TUBGCP3: variants seen among roughly 807,000 people sequenced by gnomAD.
The protein encoded by TUBGCP3 is gamma-tubulin complex component 3.
A neutral mutation model predicts 123.1 loss-of-function variants in TUBGCP3; 50 were observed. The ratio of observed to expected loss-of-function variants is 0.41; its 90% CI spans 0.32 to 0.51. The LOEUF (loss-of-function observed/expected upper bound fraction) is 0.51, where lower values mean the gene tolerates loss of function less well. Among genes scored for constraint, TUBGCP3 ranks in the 20% least tolerant of loss-of-function variants. The probability of loss-of-function intolerance (pLI) is 0.36; values close to 1 mark genes in which losing one functional copy is unlikely to be tolerated. For synonymous variants in TUBGCP3, 405 were observed against 413.9 expected, an observed-to-expected ratio of 0.98 and a Z score of 0.26; for missense variants, 882 against 1,127.0, an observed-to-expected ratio of 0.78 and a Z score of 3.11.
chr13:112,516,348 T>A (rs1876123152), intron 17 of TUBGCP3, 92 bp downstream of exon 17: 1 of 1,363,056 alleles, frequency 7.3e-7, no homozygotes, highest in East Asian at 2.7e-5. Flanking sequence ...TGAGTCTACC[T>A]TAACTTCTGC....
Position 112,558,359 on chromosome 13 carries a change from T to C in TUBGCP3, c.385A>G (p.Thr129Ala). 1.2e-6 allele frequency: 2 copies of C among 1,606,730 alleles called. 1 individual carries two copies. The highest frequency in any genetic ancestry group is 2.2e-5 in the South Asian group (2 of 90,918). The change falls in exon 5 of 22, where the codon ACC (threonine) becomes GCC (alanine). Residue 129 changes from threonine to alanine, a missense_variant. Thr to Ala is a moderately conservative substitution (Grantham distance 58). This residue lies in a region of TUBGCP3 where 713 missense variants were observed against 874.0 expected (regional missense o/e 0.82). Coordinates refer to ENST00000261965, the MANE Select transcript of TUBGCP3 (RefSeq NM_006322.6). ...TGAGGCCTGGCATAGTAGTAAGGGGTTGAGTGGGCATCTCTTGGTAAGGCC... is the reference window on the plus strand; with the variant it reads ...TGAGGCCTGGCATAGTAGTAAGGGGCTGAGTGGGCATCTCTTGGTAAGGCC... The part of the protein sequence containing the change: ...AQALPRDAHS[T>A]PYYYARPQTL...
At chr13:112,541,307 C>T (rs966124775) in intron 11 of TUBGCP3, among the ~76,000 whole-genome samples, 6 of 152,034 alleles carry the variant, frequency 3.9e-5, no homozygotes, top group African/African-American at 9.7e-5. Flanking sequence ...TTTGGGAGGC[C>T]GAGGCGGGTG....
intron 11 of TUBGCP3, among the ~76,000 whole-genome samples, chr13:112,536,391 C>T (rs1173278122): frequency 6.6e-6 from 1 of 152,176 alleles, no homozygotes; most frequent in East Asian, 1.9e-4. Flanking sequence ...GGAAGCACTG[C>T]CATCTTAGCA....
chr13:112,540,640 C>T (rs1054356998), intron 11 of TUBGCP3, among the ~76,000 whole-genome samples: 1 of 121,386 alleles, frequency 8.2e-6, no homozygotes, highest in Non-Finnish European at 1.6e-5. Context: ...GGAATGAGGA[C>T]GTCAATGTAG....
At chr13:112,510,033 C>T (rs1214769030) in intron 17 of TUBGCP3, among the ~76,000 whole-genome samples, 1 of 152,170 alleles carries the variant, frequency 6.6e-6, no homozygotes, top group East Asian at 1.9e-4. Context: ...AAAAGCAAAG[C>T]AACATTGGCA....
chr13:112,505,675 A>G (rs1397441446), intron 17 of TUBGCP3, among the ~76,000 whole-genome samples: 1 of 152,262 alleles, frequency 6.6e-6, no homozygotes, highest in Non-Finnish European at 1.5e-5. Context: ...TCAGTAAAGA[A>G]AAGTGGGAGA....
intron 10 of TUBGCP3, 114 bp downstream of exon 10, chr13:112,547,502 ACGCG>A: frequency 3.8e-6 from 5 of 1,332,296 alleles, no homozygotes; most frequent in South Asian, 4.6e-5. Flanking sequence ...CGAGTGCCAG[ACGCG>A]CGTGGGAAAG....
At chr13:112,531,074 T>G (rs557262678) in intron 11 of TUBGCP3, among the ~76,000 whole-genome samples, 1 of 152,358 alleles carries the variant, frequency 6.6e-6, no homozygotes, top group South Asian at 2.1e-4. Flanking sequence ...ATTTTTTTCT[T>G]TCACAGAAAT....
chr13:112,544,312 C>A (rs1044640754), intron 11 of TUBGCP3, among the ~76,000 whole-genome samples: 1 of 151,946 alleles, frequency 6.6e-6, no homozygotes, highest in African/African-American at 2.4e-5. Context: ...ATTAGCCAGG[C>A]ATGGTGGCGG....
the TUBGCP3 span, among the ~76,000 whole-genome samples, chr13:112,600,561 A>G: frequency 3.3e-3 from 496 of 152,330 alleles, 3 homozygotes; most frequent in African/African-American, 0.011. Flanking sequence ...ATTACTTTAG[A>G]AGTCAAGAAG....
intron 21 of TUBGCP3, among the ~76,000 whole-genome samples, chr13:112,488,657 C>A (rs1235831474): frequency 1.3e-5 from 2 of 149,796 alleles, no homozygotes; most frequent in East Asian, 3.9e-4. Context: ...CCCAGGTCCC[C>A]ACATCCCACC....
intron 14 of TUBGCP3, among the ~76,000 whole-genome samples, chr13:112,520,951 TACG>T (rs1379794806): frequency 2.2e-4 from 33 of 152,178 alleles, no homozygotes; most frequent in African/African-American, 7.7e-4. Flanking sequence ...GAACTTAAAA[TACG>T]ACATTGAGGA....
chr13:112,605,224 A>C, the TUBGCP3 span: 16 of 152,052 alleles, frequency 1.1e-4, no homozygotes, highest in Admixed American at 1.0e-3. Flanking sequence ...CAGGAGAATC[A>C]CTTGAACCCG....
chr13:112,587,696 C>T (rs1401482443), intron 1 of TUBGCP3, among the ~76,000 whole-genome samples: 1 of 152,172 alleles, frequency 6.6e-6, no homozygotes, highest in Non-Finnish European at 1.5e-5. Flanking sequence ...GTCCTGGCCC[C>T]CAGCCCTCCG....
chr13:112,556,267 T>C, intron 5 of TUBGCP3, 43 bp from the exon 6 acceptor site: 3 of 1,572,980 alleles, frequency 1.9e-6, no homozygotes, highest in Non-Finnish European at 2.6e-6. Flanking sequence ...GGCTATTCGC[T>C]GAAGAGACAA....
At chr13:112,531,663 C>G (rs1287369261) in intron 11 of TUBGCP3, among the ~76,000 whole-genome samples, 1 of 152,056 alleles carries the variant, frequency 6.6e-6, no homozygotes, top group Non-Finnish European at 1.5e-5. Context: ...AAACCTCAGG[C>G]AATTCAGGCA....
intron 20 of TUBGCP3, among the ~76,000 whole-genome samples, chr13:112,495,933 C>CA (rs202036989): frequency 2.9e-3 from 437 of 151,876 alleles, no homozygotes; most frequent in African/African-American, 9.8e-3. Context: ...AAATTTTTGG[C>CA]AAAAAATTTT....
chr13:112,542,959 G>A (rs929692253), intron 11 of TUBGCP3, among the ~76,000 whole-genome samples: 8 of 152,130 alleles, frequency 5.3e-5, no homozygotes, highest in South Asian at 4.1e-4. Context: ...ACCAGCCTGG[G>A]CAACAAAGTG....
chr13:112,600,119 C>T, the TUBGCP3 span, among the ~76,000 whole-genome samples: 4 of 152,290 alleles, frequency 2.6e-5, no homozygotes, highest in African/African-American at 7.2e-5. Context: ...GCTGAGGCGA[C>T]GCTGGTGGGA....
Sources: gnomAD v4.1 joint callset for allele counts (sites outside exome capture counted in the v4.1 genomes callset) on GRCh38, gnomAD v4.1.1 for gene constraint, gnomAD v4.1.1 regional missense constraint, MANE v1.5 for transcripts, NCBI Gene and HGNC (gene_info 2026-07-23, HGNC 2026-07-21) for gene names.